GABRR2: variants seen among roughly 807,000 people sequenced by gnomAD.
GABRR2 encodes the protein gamma-aminobutyric acid type A receptor subunit rho2.
Under a neutral mutation model 47.0 loss-of-function variants are expected in GABRR2, and 36 were observed. The ratio of observed to expected loss-of-function variants is 0.77; its 90% CI spans 0.59 to 1.01. The LOEUF (loss-of-function observed/expected upper bound fraction) is 1.01. Ranked by LOEUF, GABRR2 falls within the 50% of genes least tolerant of loss-of-function variation. The pLI is 0.00. For synonymous variants in GABRR2, 204 were observed against 227.5 expected (o/e 0.90, Z 0.93); for missense variants, 587 against 594.6 (o/e 0.99, Z 0.13).
intron 1 of GABRR2, among the ~76,000 whole-genome samples, chr6:89,309,584 T>C (rs1264039951): frequency 6.6e-6 from 1 of 152,186 alleles, no homozygotes; most frequent in Non-Finnish European, 1.5e-5. Context: ...AAAAAATGTT[T>C]AAGACTTTTT....
At chr6:89,270,210 T>C (rs969146676) in intron 3 of GABRR2, among the ~76,000 whole-genome samples, 1 of 152,214 alleles carries the variant, frequency 6.6e-6, no homozygotes, top group South Asian at 2.1e-4. Flanking sequence ...TCTGGCTATT[T>C]CCCTTCTCGG....
chr6:89,256,443 A>C lies in GABRR2; in HGVS notation c.*1227T>G, dbSNP rs1773601124. Among the ~76,000 whole-genome samples, 1 of 152,170 alleles carries C rather than the reference A, an allele frequency of 6.6e-6. No homozygotes were observed. ...GATACTTTAAAATGTTTATTGCCTG[A>C]ATATATAATAGTAACACCGCAATTA... On this transcript the variant is annotated 3_prime_UTR_variant, in exon 9 of 9. Coordinates refer to ENST00000402938, the MANE Select transcript of GABRR2 (RefSeq NM_002043.5).
intron 1 of GABRR2, chr6:89,302,212 G>A (rs1214107712): frequency 3.9e-5 from 22 of 561,866 alleles, no homozygotes; most frequent in South Asian, 2.7e-4. Flanking sequence ...GCACAAGCTC[G>A]GGTATGGGCA....
At chr6:89,267,631 A>G in intron 6 of GABRR2, 48 bp downstream of exon 6, 1 of 1,555,262 alleles carries the variant, frequency 6.4e-7, no homozygotes, top group Non-Finnish European at 8.7e-7. Context: ...AAGAATTCAA[A>G]TGTGCTTTCT....
intron 2 of GABRR2, among the ~76,000 whole-genome samples, chr6:89,293,292 G>T (rs560612944): frequency 6.6e-6 from 1 of 152,248 alleles, no homozygotes; most frequent in Admixed American, 6.5e-5. Flanking sequence ...GGGGCTGAAG[G>T]GGTGACAGAG....
chr6:89,289,697 G>T (rs1774402319), intron 2 of GABRR2, among the ~76,000 whole-genome samples: 1 of 151,906 alleles, frequency 6.6e-6, no homozygotes, highest in African/African-American at 2.4e-5. Context: ...GGAAGGGGAA[G>T]GGTGAGGAGG....
intron 1 of GABRR2, among the ~76,000 whole-genome samples, chr6:89,306,656 G>T (rs758065573): frequency 1.3e-5 from 2 of 152,166 alleles, no homozygotes; most frequent in Non-Finnish European, 2.9e-5. Context: ...TGACGGCAAA[G>T]GAGTGATTCT....
chr6:89,291,263 C>G (rs1339467423), intron 2 of GABRR2, among the ~76,000 whole-genome samples: 1 of 152,084 alleles, frequency 6.6e-6, no homozygotes, highest in African/African-American at 2.4e-5. Flanking sequence ...CCCTGAAGGG[C>G]CCAGCCCGTG....
chr6:89,265,423 T>C (rs1773868240), intron 7 of GABRR2, among the ~76,000 whole-genome samples, 190 bp downstream of exon 7: 1 of 152,196 alleles, frequency 6.6e-6, no homozygotes, highest in Non-Finnish European at 1.5e-5. Context: ...TTTAGCTCCC[T>C]GTGGCTCTCA....
At chr6:89,291,358 C>T (rs1458550485) in intron 2 of GABRR2, among the ~76,000 whole-genome samples, 1 of 152,134 alleles carries the variant, frequency 6.6e-6, no homozygotes, top group African/African-American at 2.4e-5. Context: ...TCCTGTTGCT[C>T]CTTAGCTTAG....
At chr6:89,263,891 T>C (rs893962671) in intron 8 of GABRR2, among the ~76,000 whole-genome samples, 5 of 152,196 alleles carry the variant, frequency 3.3e-5, no homozygotes, top group Non-Finnish European at 7.3e-5. Context: ...GAAATATATA[T>C]AAGGTATTTA....
chr6:89,281,570 T>A (rs887561969), intron 2 of GABRR2, among the ~76,000 whole-genome samples: 3 of 152,198 alleles, frequency 2.0e-5, no homozygotes, highest in Non-Finnish European at 2.9e-5. Flanking sequence ...CGTTTTTTTT[T>A]AAAGGCAGTT....
rs890522309 is a variant in GABRR2, at chr6:89,306,682, C to T, written c.114-6817G>A. Among the ~76,000 whole-genome samples, 17 of 152,228 alleles carry T rather than the reference C, an allele frequency of 1.1e-4. 1 individual carries two copies. Among genetic ancestry groups the T allele is most frequent in the Admixed American group, 8.5e-4 (13 of 15,296 alleles). ...GAGTGATTCTCTCTTCTTTCTTTCACGCTCACTCTTTCCAGATCATTTTCT... is the reference window on the plus strand; with the variant it reads ...GAGTGATTCTCTCTTCTTTCTTTCATGCTCACTCTTTCCAGATCATTTTCT... On this transcript the variant is annotated intron_variant, in intron 1 of 8. Coordinates refer to ENST00000402938, the MANE Select transcript of GABRR2 (RefSeq NM_002043.5).
chr6:89,264,779 C>A (rs986277009), intron 7 of GABRR2, among the ~76,000 whole-genome samples, 171 bp from the exon 8 acceptor site: 11 of 152,166 alleles, frequency 7.2e-5, no homozygotes, highest in African/African-American at 2.7e-4. Flanking sequence ...CAGGCCTATT[C>A]TCCTCAGAGC....
At chr6:89,258,156 AT>A (rs1200112089) in intron 8 of GABRR2, among the ~76,000 whole-genome samples, 175 bp from the exon 9 acceptor site, 1 of 152,232 alleles carries the variant, frequency 6.6e-6, no homozygotes, top group Non-Finnish European at 1.5e-5. Flanking sequence ...TATTAGAATC[AT>A]CTGCACAGCT....
intron 1 of GABRR2, chr6:89,302,305 ACTGTGGTGGAGC>A (rs1767461761): frequency 1.8e-6 from 1 of 562,558 alleles, no homozygotes; most frequent in African/African-American, 1.9e-5. Context: ...CCAAGGTGTC[ACTGTGGTGGAGC>A]CCTACAACCC....
intron 3 of GABRR2, among the ~76,000 whole-genome samples, chr6:89,270,219 G>A (rs957058261): frequency 3.3e-5 from 5 of 152,190 alleles, no homozygotes; most frequent in African/African-American, 9.7e-5. Context: ...TTCCCTTCTC[G>A]GTCACAAAGC....
intron 2 of GABRR2, among the ~76,000 whole-genome samples, chr6:89,288,352 TGA>T (rs933523829): frequency 4.6e-5 from 7 of 151,756 alleles, no homozygotes; most frequent in African/African-American, 1.5e-4. Context: ...AGGAAACCAG[TGA>T]GAGAGAGCAA....
intron 2 of GABRR2, among the ~76,000 whole-genome samples, chr6:89,282,951 C>G (rs1774274979): frequency 6.6e-6 from 1 of 152,250 alleles, no homozygotes; most frequent in South Asian, 2.1e-4. Flanking sequence ...CCGACTCCAT[C>G]CTGTGTGCTG....
Sources: gnomAD v4.1 joint callset for allele counts (sites outside exome capture counted in the v4.1 genomes callset) on GRCh38, gnomAD v4.1.1 for gene constraint, MANE v1.5 for transcripts, NCBI Gene and HGNC (gene_info 2026-07-23, HGNC 2026-07-21) for gene names.